The following DENND2A variants were observed in gnomAD, a reference collection of about 807,000 sequenced individuals.
The protein encoded by DENND2A is DENN domain-containing protein 2A.
DENND2A carries 53 observed loss-of-function variants against 105.3 expected under a neutral mutation model. That is an observed-to-expected ratio of 0.50 (90% CI 0.40 to 0.63). The LOEUF is 0.63. DENND2A is among the 30% of genes least tolerant of loss of function. The pLI, the probability that DENND2A is intolerant of heterozygous loss-of-function variation, is 0.00. For missense variants in DENND2A, 1,138 were observed against 1,279.6 expected (o/e 0.89, Z 1.69); for synonymous variants, 522 against 508.4 (o/e 1.03, Z -0.36).
In DENND2A at chr7:140,640,682, G is replaced by T; in HGVS notation, c.-426C>A. The T allele has an allele frequency of 6.7e-6, 1 of 148,550 alleles. No individual in the cohort carries two copies. Among genetic ancestry groups the T allele is most frequent in the South Asian group, 2.0e-4 (1 of 5,098 alleles). The allele number at this position is 148,550 out of a possible 1,614,324, so 9.2% of individuals were successfully genotyped here. On this transcript the variant is annotated 5_prime_UTR_variant, in exon 1 of 20. Coordinates refer to ENST00000496613, the MANE Select transcript of DENND2A (RefSeq NM_015689.5). This position sits in a 1 kb window ranked among gnomAD's most constrained non-coding sequence, Gnocchi z 4.9. ...CCCCCGGCCGCCCGCAAGCCCCTGG[G>T]GGTCCCCGCCGCGCGCGCTCCCGTG...
chr7:140,607,829 GC>G (rs1425798174), intron 1 of DENND2A, among the ~76,000 whole-genome samples: 2 of 152,158 alleles, frequency 1.3e-5, no homozygotes, highest in Non-Finnish European at 2.9e-5. Context: ...TTCCATATGA[GC>G]CAGCAGCTCT....
rs1349756021 is a variant in DENND2A at position 140,558,181 on chromosome 7, C to T, written c.1921G>A (p.Asp641Asn). 2 of 1,613,694 alleles carry T rather than the reference C, an allele frequency of 1.2e-6. No individual in the cohort carries two copies. Among genetic ancestry groups the T allele is most frequent in the Admixed American group, 3.3e-5 (2 of 59,998 alleles). The change falls in exon 11 of 20, where the codon GAT becomes AAT. Residue 641 changes from aspartate to asparagine, a missense_variant. Transcript: ENST00000496613. ...ETFSFVLTGE[D>N]GSRRFGYCRR... ...CAGTAACCGAACCTTCTGCTCCCATCTTCTCCAGTTAAGACAAATGAGAAT... is the reference window on the plus strand; with the variant it reads ...CAGTAACCGAACCTTCTGCTCCCATTTTCTCCAGTTAAGACAAATGAGAAT...
chr7:140,518,589 C>G lies in DENND2A; in HGVS notation c.*118G>C. 1 of 1,069,072 alleles carries G rather than the reference C, an allele frequency of 9.4e-7. No homozygotes were observed. Among genetic ancestry groups the G allele is most frequent in the Non-Finnish European group, 1.4e-6 (1 of 733,374 alleles). 66.2% of individuals were successfully genotyped at this position (1,069,072 alleles called of 1,614,324 possible). ...GAGCCCAGCCTCGGCCAGAAGCCAC[C>G]GCGGCCTCCAGTTCCGCACCGTGAC... On this transcript the variant is annotated 3_prime_UTR_variant, in exon 20 of 20. Transcript: ENST00000496613.
intron 1 of DENND2A, among the ~76,000 whole-genome samples, chr7:140,614,671 T>C (rs1284663366): frequency 6.6e-6 from 1 of 152,158 alleles, no homozygotes; most frequent in African/African-American, 2.4e-5. Flanking sequence ...ACCACAACAA[T>C]TACAGTAGAA....
chr7:140,556,528 T>A (rs1329720378), intron 11 of DENND2A, among the ~76,000 whole-genome samples: 1 of 148,838 alleles, frequency 6.7e-6, no homozygotes, highest in African/African-American at 2.5e-5. Flanking sequence ...TTAGTAGAGA[T>A]AGGGTTTCAC....
chr7:140,632,626 T>C (rs1333257983), intron 1 of DENND2A, among the ~76,000 whole-genome samples: 1 of 152,196 alleles, frequency 6.6e-6, no homozygotes, highest in East Asian at 1.9e-4. Flanking sequence ...TGGAGTGCAG[T>C]GGCGCGATCT....
chr7:140,527,246 C>CGGTT lies in DENND2A; in HGVS notation c.2505+71_2505+72insAACC. 7.0e-7 allele frequency: 1 copy of CGGTT among 1,433,260 alleles called. No individual in the cohort carries two copies. Among genetic ancestry groups the CGGTT allele is most frequent in the Non-Finnish European group, 9.3e-7 (1 of 1,077,470 alleles). 88.8% of individuals were successfully genotyped at this position (1,433,260 alleles called of 1,614,324 possible). ...TGGCTCTGAGAACCGCTCCATGATG[C>CGGTT]CTGCAGAGCCAGCGCCCCGCTCTGT... On this transcript the variant is annotated intron_variant, in intron 15 of 19. Coordinates refer to ENST00000496613, the MANE Select transcript of DENND2A (RefSeq NM_015689.5). This position sits in a 1 kb window ranked among gnomAD's most constrained non-coding sequence, Gnocchi z 4.9.
At chr7:140,564,280 CAAAA>C (rs142073371) in intron 9 of DENND2A, among the ~76,000 whole-genome samples, 1 of 128,380 alleles carries the variant, frequency 7.8e-6, no homozygotes, top group Non-Finnish European at 1.7e-5. Flanking sequence ...GAGACTGTGT[CAAAA>C]AAAAAAAAAA....
At chr7:140,555,431 G>A (rs1797319042) in intron 12 of DENND2A, among the ~76,000 whole-genome samples, 1 of 151,968 alleles carries the variant, frequency 6.6e-6, no homozygotes, top group South Asian at 2.1e-4. Flanking sequence ...GAGCCACCCC[G>A]CCACCACACC....
rs558757136 is a variant in DENND2A at position 140,598,884 on chromosome 7, TAAAC to T, written c.995+2515_995+2518del. Among the ~76,000 whole-genome samples the T allele has an allele frequency of 4.2e-3, 636 of 151,950 alleles. 7 individuals are homozygous for T. The highest frequency in any genetic ancestry group is 0.015 in the African/African-American group (603 of 41,486). ...TTGGAAAAGGTGAATAATAAGTAAA[TAAAC>T]AAACAAGAGGTTTATAATTACTAAA... On this transcript the variant is annotated intron_variant, in intron 3 of 19. Coordinates refer to ENST00000496613, the MANE Select transcript of DENND2A (RefSeq NM_015689.5).
At chr7:140,633,778 C>A (rs997464160) in intron 1 of DENND2A, among the ~76,000 whole-genome samples, 3 of 151,928 alleles carry the variant, frequency 2.0e-5, no homozygotes. Flanking sequence ...GGAAGACAAT[C>A]TATAAAGATT....
intron 16 of DENND2A, among the ~76,000 whole-genome samples, chr7:140,525,297 G>A (rs953065357): frequency 6.6e-6 from 1 of 151,952 alleles, no homozygotes; most frequent in African/African-American, 2.4e-5. Flanking sequence ...TGGGATTACA[G>A]GTGCCTGCCA....
At chr7:140,533,791 T>C (rs1280020134) in intron 14 of DENND2A, among the ~76,000 whole-genome samples, 2 of 152,158 alleles carry the variant, frequency 1.3e-5, no homozygotes, top group Non-Finnish European at 2.9e-5. Context: ...CAACAAACGT[T>C]TCTGTACCTG....
rs1798755253 is a variant in DENND2A at position 140,585,726 on chromosome 7, A to G, written c.1124-16T>C. On this transcript the variant is annotated splice_polypyrimidine_tract_variant and intron_variant, in intron 4 of 19. Coordinates refer to ENST00000496613, the MANE Select transcript of DENND2A (RefSeq NM_015689.5). ...ATTGGCGGATCTGTGTTCAAAGGCA[A>G]TGTGTCAGGAACCTGGGAACACTGA... is the stretch of plus-strand genomic sequence containing the variant. 6.2e-7 allele frequency: 1 copy of G among 1,614,078 alleles called. No homozygotes were observed. The highest frequency in any genetic ancestry group is 1.6e-4 in the Middle Eastern group (1 of 6,062).
intron 3 of DENND2A, among the ~76,000 whole-genome samples, chr7:140,592,744 C>T (rs947911515): frequency 6.6e-6 from 1 of 152,026 alleles, no homozygotes; most frequent in African/African-American, 2.4e-5. Context: ...GGATTACAGG[C>T]ACCTGCCACC....
intron 1 of DENND2A, among the ~76,000 whole-genome samples, chr7:140,609,655 A>C (rs551173369): frequency 3.2e-4 from 48 of 152,368 alleles, no homozygotes; most frequent in African/African-American, 1.0e-3. Flanking sequence ...ACTAAGTCCT[A>C]TAAGTTGAAG....
Position 140,569,710 on chromosome 7 carries a change from T to C in DENND2A, c.1475A>G (p.Glu492Gly). The change falls in exon 7 of 20, where the codon GAG becomes GGG. Residue 492 changes from glutamate (E) to glycine (G), a missense_variant. Around this residue, in one of 2 missense-constraint regions of DENND2A, gnomAD observed 627 missense variants for 779.8 expected, o/e 0.80. Transcript: ENST00000496613. ...KLVLRINAIY[E>G]VRRGKKRVKR... is the part of the protein sequence containing the mutation. ...CACCCGTTTCTTTCCTCTCCGGACC[T>C]CATAAATGGCGTTGATTCGCAACAC... The C allele has an allele frequency of 6.2e-7, 1 of 1,613,772 alleles. No homozygotes were observed. The highest frequency in any genetic ancestry group is 1.3e-5 in the African/African-American group (1 of 75,010).
At chr7:140,639,525 T>C (rs1449042626) in intron 1 of DENND2A, among the ~76,000 whole-genome samples, 1 of 152,114 alleles carries the variant, frequency 6.6e-6, no homozygotes, top group Non-Finnish European at 1.5e-5. Context: ...CCAGACTTTC[T>C]ACTCCACTCT....
In DENND2A at chr7:140,523,004, C is replaced by T. The variant is rs1795917733; in HGVS notation, c.2665+303G>A. ...CTCACTGCAGCCTCAACCTCCAGGG[C>T]TCAAGGGATCCTCCTGCCTCAGCCT... is the stretch of plus-strand genomic sequence containing the variant. On this transcript the variant is annotated intron_variant, in intron 17 of 19. Transcript: ENST00000496613. The surrounding 1 kb of genome is among the most constrained non-coding windows in gnomAD (Gnocchi z 4.5). 6.6e-6 allele frequency among the ~76,000 whole-genome samples: 1 copy of T among 150,604 alleles called. No individual in the cohort carries two copies. Among genetic ancestry groups the T allele is most frequent in the Non-Finnish European group, 1.5e-5 (1 of 67,600 alleles).
Sources: gnomAD v4.1 joint callset for allele counts (sites outside exome capture counted in the v4.1 genomes callset) on GRCh38, gnomAD v4.1.1 for gene constraint, gnomAD v4.1.1 regional missense constraint, Gnocchi (gnomAD v3.1) non-coding constraint, MANE v1.5 for transcripts, NCBI Gene and HGNC (gene_info 2026-07-23, HGNC 2026-07-21) for gene names.